Variants in CEP128 observed in about 807,000 individuals in gnomAD.
The protein encoded by CEP128 is centrosomal protein 128kDa.
In CEP128, 132 loss-of-function variants were observed where a neutral mutation model predicts 156.7. That is an observed-to-expected ratio of 0.84 (90% confidence interval 0.73 to 0.97). CEP128 has a LOEUF of 0.97. Ranked by LOEUF, CEP128 falls within the 50% of genes least tolerant of loss-of-function variation. CEP128 has a pLI of 0.00. For missense variants in CEP128, 1,252 were observed against 1,281.9 expected, an observed-to-expected ratio of 0.98 and a Z score of 0.36; for synonymous variants, 469 against 448.9, an observed-to-expected ratio of 1.04 and a Z score of -0.57.
chr14:80,894,549 CAAA>C, intron 8 of CEP128: 1 of 393,058 alleles, frequency 2.5e-6, no homozygotes, highest in Non-Finnish European at 5.0e-6. Flanking sequence ...GAACTTTATG[CAAA>C]AAAAAAATAT....
At chr14:80,683,786 TA>T (rs1309343010) in intron 19 of CEP128, among the ~76,000 whole-genome samples, 2 of 151,982 alleles carry the variant, frequency 1.3e-5, no homozygotes, top group Non-Finnish European at 2.9e-5. Context: ...CATAGTGGAA[TA>T]AAAATAGAAA....
At position 80,778,026 on chromosome 14, in the gene CEP128, C is replaced by T. The variant is rs1475835918; in HGVS notation, c.2232G>A (p.Lys744=). The change falls in exon 16 of 25, where the codon AAG becomes AAA. Residue 744 remains lysine (K), a synonymous_variant. Transcript: ENST00000555265. ...GACCACGATGAATTTTAGCCATATT[C>T]TTCTCTTCTAAACTTTCAGCCTGAG... is the stretch of plus-strand genomic sequence containing the variant. ...RTLKAESLEE[K]NMAKIHRGQL... The T allele has an allele frequency of 3.7e-6, 6 of 1,613,208 alleles. No homozygotes were observed. Among genetic ancestry groups the T allele is most frequent in the Non-Finnish European group, 5.1e-6 (6 of 1,179,822 alleles).
At chr14:80,675,675 T>C (rs975508719) in intron 19 of CEP128, among the ~76,000 whole-genome samples, 4 of 152,130 alleles carry the variant, frequency 2.6e-5, no homozygotes, top group African/African-American at 9.6e-5. Flanking sequence ...TTAATATCTG[T>C]AATTGGTCTC....
intron 19 of CEP128, among the ~76,000 whole-genome samples, chr14:80,640,930 TCCAGC>T (rs1894380002): frequency 6.6e-6 from 1 of 152,192 alleles, no homozygotes; most frequent in African/African-American, 2.4e-5. Context: ...CAGATAAATA[TCCAGC>T]TCTGTCACCA....
intron 18 of CEP128, among the ~76,000 whole-genome samples, chr14:80,744,627 G>A (rs933903576): frequency 6.6e-6 from 1 of 152,172 alleles, no homozygotes; most frequent in Admixed American, 6.5e-5. Flanking sequence ...TACCCTCAGT[G>A]TGATAAAAGC....
Position 80,785,473 on chromosome 14 carries a change from C to A in CEP128, c.1633G>T (p.Glu545Ter), listed in dbSNP as rs755575221. The change falls in exon 15 of 25, where the codon GAA becomes TAA. Residue 545 changes from glutamate (E) to a stop codon, truncating the protein, a stop_gained. Transcript: ENST00000555265. LOFTEE classifies it high-confidence loss of function. The part of the protein sequence containing the change: ...ALQQIENLRK[E>*]LNDVLTKRAL... Reference sequence around the variant, plus strand: ...CGCTTTGTTAGGACATCATTCAATTCCTTTCGAAGATTCTCTATTTGTTGT... The same window carrying A: ...CGCTTTGTTAGGACATCATTCAATTACTTTCGAAGATTCTCTATTTGTTGT... 6.2e-7 allele frequency: 1 copy of A among 1,613,806 alleles called. No homozygotes were observed. The highest frequency in any genetic ancestry group is 2.2e-5 in the East Asian group (1 of 44,882).
intron 9 of CEP128, among the ~76,000 whole-genome samples, chr14:80,853,799 A>G (rs964409096): frequency 2.0e-5 from 3 of 152,038 alleles, no homozygotes; most frequent in African/African-American, 7.2e-5. Context: ...GGGCTAGACA[A>G]GCAAATCAAT....
chr14:80,585,090 A>G (rs890517768), intron 19 of CEP128, among the ~76,000 whole-genome samples: 4 of 152,214 alleles, frequency 2.6e-5, no homozygotes, highest in African/African-American at 7.2e-5. Context: ...ATTGGTTCCA[A>G]TTTTTTAAAT....
At chr14:80,592,686 G>T (rs1319482643) in intron 19 of CEP128, among the ~76,000 whole-genome samples, 2 of 152,080 alleles carry the variant, frequency 1.3e-5, no homozygotes, top group African/African-American at 4.8e-5. Context: ...ACCAGGCGGA[G>T]ACACAACAAA....
At position 80,730,971 on chromosome 14, in the gene CEP128, A is replaced by C. The variant is rs149767786; in HGVS notation, c.2806+12104T>G. On this transcript the variant is annotated intron_variant, in intron 19 of 24. Transcript: ENST00000555265. Reference sequence around the variant, plus strand: ...TGTGAAAGAAAATTTTAGAAATATTACAGCTATCACAACAAAGGAGTTAAT... The same window carrying C: ...TGTGAAAGAAAATTTTAGAAATATTCCAGCTATCACAACAAAGGAGTTAAT... 1.6e-3 allele frequency among the ~76,000 whole-genome samples: 249 copies of C among 152,350 alleles called. 2 individuals are homozygous for C. The highest frequency in any genetic ancestry group is 5.5e-3 in the African/African-American group (227 of 41,588).
At chr14:80,554,745 G>T (rs1890357777) in intron 21 of CEP128, among the ~76,000 whole-genome samples, 1 of 151,038 alleles carries the variant, frequency 6.6e-6, no homozygotes. Context: ...ATGATTCGTT[G>T]GTCAAATAAC....
chr14:80,497,926 G>T (rs950628300), intron 24 of CEP128, among the ~76,000 whole-genome samples: 3 of 152,156 alleles, frequency 2.0e-5, no homozygotes, highest in Non-Finnish European at 4.4e-5. Flanking sequence ...GAAATCTTAA[G>T]GGCTCCTTTT....
chr14:80,785,644 G>GT, intron 14 of CEP128, 99 bp from the exon 15 acceptor site: 1 of 812,942 alleles, frequency 1.2e-6, no homozygotes, highest in Non-Finnish European at 1.8e-6. Context: ...TAACCCACAA[G>GT]GAAAAAAAAA....
At chr14:80,482,035 T>A (rs1485598887) in intron 14 of CEP128, among the ~76,000 whole-genome samples, 2 of 152,252 alleles carry the variant, frequency 1.3e-5, no homozygotes, top group Non-Finnish European at 2.9e-5. Flanking sequence ...TAAATATAGT[T>A]TGGGTGGGAG....
chr14:80,595,753 G>A (rs181787928), intron 19 of CEP128, among the ~76,000 whole-genome samples: 144 of 152,244 alleles, frequency 9.5e-4, no homozygotes, highest in Non-Finnish European at 1.5e-3. Context: ...TAAAGAAAGA[G>A]GTTTAATGAA....
At chr14:80,744,966 T>G (rs1022420430) in intron 18 of CEP128, among the ~76,000 whole-genome samples, 5 of 152,148 alleles carry the variant, frequency 3.3e-5, no homozygotes, top group Non-Finnish European at 7.4e-5. Context: ...TTTCTTGAAA[T>G]CCTCGAGAAA....
intron 19 of CEP128, among the ~76,000 whole-genome samples, chr14:80,586,442 G>A (rs1381644133): frequency 1.3e-5 from 2 of 152,168 alleles, no homozygotes; most frequent in South Asian, 2.1e-4. Context: ...ATCAATCTGA[G>A]CCCAGGGCTT....
intron 19 of CEP128, among the ~76,000 whole-genome samples, chr14:80,650,516 C>T (rs538491063): frequency 6.6e-6 from 1 of 152,280 alleles, no homozygotes; most frequent in Admixed American, 6.5e-5. Context: ...GGAAATGCTT[C>T]CAGTTTTTGC....
intron 21 of CEP128, among the ~76,000 whole-genome samples, chr14:80,536,806 G>T (rs1179412118): frequency 6.6e-6 from 1 of 152,180 alleles, no homozygotes; most frequent in African/African-American, 2.4e-5. Context: ...AAAGTTGTGT[G>T]TATTTCTTGG....
Sources: gnomAD v4.1 joint callset for allele counts (sites outside exome capture counted in the v4.1 genomes callset) on GRCh38, gnomAD v4.1.1 for gene constraint, MANE v1.5 for transcripts, NCBI Gene and HGNC (gene_info 2026-07-23, HGNC 2026-07-21) for gene names.